The following ARHGAP18 variants were observed in gnomAD, a reference collection of about 807,000 sequenced individuals.
The protein encoded by ARHGAP18 is rho GTPase-activating protein 18.
ARHGAP18 carries 67 observed loss-of-function variants against 86.2 expected under a neutral mutation model. The observed-to-expected ratio is 0.78, with a 90% CI of 0.64 to 0.95. ARHGAP18 has a LOEUF of 0.95. ARHGAP18 is among the 40% of genes least tolerant of loss of function. The pLI, the probability that ARHGAP18 is intolerant of heterozygous loss-of-function variation, is 0.00. For missense variants in ARHGAP18, 691 were observed against 780.4 expected (o/e 0.89, Z 1.37); for synonymous variants, 283 against 280.4 (o/e 1.01, Z -0.09).
chr6:129,673,068 A>G (rs1466880202), intron 1 of ARHGAP18, among the ~76,000 whole-genome samples: 2 of 152,226 alleles, frequency 1.3e-5, no homozygotes, highest in Non-Finnish European at 2.9e-5. Flanking sequence ...GAATACACCA[A>G]TGACTCATTT....
Position 129,607,996 on chromosome 6 carries a change from A to T in ARHGAP18, c.1179T>A (p.Ser393Arg). 1 of 1,605,308 alleles carries T rather than the reference A, an allele frequency of 6.2e-7. No individual in the cohort carries two copies. Among genetic ancestry groups the T allele is most frequent in the Non-Finnish European group, 8.5e-7 (1 of 1,175,912 alleles). The change falls in exon 9 of 15, where the codon AGT (serine) becomes AGA (arginine). Residue 393 changes from serine (S) to arginine (R), a missense_variant. Physicochemically the swap from Ser to Arg is moderately radical, Grantham distance 110. Transcript: ENST00000368149. ...GGCTGGCGGCATCATGCTGTTTGAC[A>T]CTTTCCCAATTAAAAGTCCCTTCAT... ...KFYEGTFNWE[S>R]VKQHDAASLL...
rs376500003 is a variant in ARHGAP18, at chr6:129,667,469, A to ATGTGTG, written c.114-25457_114-25452dup. Among the ~76,000 whole-genome samples the ATGTGTG allele has an allele frequency of 2.5e-3, 264 of 104,234 alleles. 2 individuals carry two copies. Among genetic ancestry groups the ATGTGTG allele is most frequent in the Middle Eastern group, 5.2e-3 (1 of 194 alleles). The allele number at this position is 104,234 out of a possible 152,430, so 68.4% of individuals were successfully genotyped here. ...GGTCTATATCAAAAGAAAAATATAT[A>ATGTGTG]TGTGTGTGTGTGTGTGTGTGTGTGT... is the stretch of plus-strand genomic sequence containing the variant. On this transcript the variant is annotated intron_variant, in intron 1 of 14. Coordinates refer to ENST00000368149, the MANE Select transcript of ARHGAP18 (RefSeq NM_033515.3).
chr6:129,645,036 T>TA (rs1329311487), intron 1 of ARHGAP18, among the ~76,000 whole-genome samples: 1 of 152,128 alleles, frequency 6.6e-6, no homozygotes, highest in Admixed American at 6.5e-5. Context: ...CACTGGTAAA[T>TA]ACTGCAAGAA....
chr6:129,683,907 T>C (rs1244424235), intron 1 of ARHGAP18, among the ~76,000 whole-genome samples: 1 of 152,042 alleles, frequency 6.6e-6, no homozygotes, highest in African/African-American at 2.4e-5. Flanking sequence ...GAGAAAACAC[T>C]TGGGAGAAAA....
intron 10 of ARHGAP18, 121 bp downstream of exon 10, chr6:129,605,755 CT>C: frequency 1.2e-6 from 1 of 862,742 alleles, no homozygotes. Flanking sequence ...TAAAAGTAGG[CT>C]TTTTCTTTAT....
chr6:129,624,633 T>C (rs1483486524), intron 5 of ARHGAP18, among the ~76,000 whole-genome samples: 4 of 150,964 alleles, frequency 2.6e-5, no homozygotes, highest in African/African-American at 7.3e-5. Context: ...CCATTAGGTA[T>C]AAACACAGAT....
chr6:129,578,351 C>A lies in ARHGAP18; in HGVS notation c.*162G>T, dbSNP rs1788221484. 1 of 343,366 alleles carries A rather than the reference C, an allele frequency of 2.9e-6. No individual in the cohort carries two copies. The highest frequency in any genetic ancestry group is 5.2e-6 in the Non-Finnish European group (1 of 194,024). 21.3% of individuals were successfully genotyped at this position (343,366 alleles called of 1,614,324 possible). A position where few individuals can be genotyped will look rare whatever the true frequency, so the allele number is the denominator to read the frequency against. On this transcript the variant is annotated 3_prime_UTR_variant, in exon 15 of 15. Coordinates refer to ENST00000368149, the MANE Select transcript of ARHGAP18 (RefSeq NM_033515.3). The stretch of plus-strand genomic sequence containing the variant: ...TTAATAATAATTAATATAATTCTGG[C>A]AGCAGCACAAATCTATGACTTTTTA...
chr6:129,584,025 C>G lies in ARHGAP18; in HGVS notation c.1801G>C (p.Ala601Pro), dbSNP rs1195497690. ...MAIQLTEELK[A>P]SDVLARFLSQ... is the part of the protein sequence containing the mutation. ...AGAAACCTGGCAAGTACATCACTGGCTTTTAGTTCTTCAGTTAGCTGTATT... is the reference window on the plus strand; with the variant it reads ...AGAAACCTGGCAAGTACATCACTGGGTTTTAGTTCTTCAGTTAGCTGTATT... The change falls in exon 13 of 15, where the codon GCC becomes CCC. Residue 601 changes from alanine (A) to proline (P), a missense_variant. Physicochemically the swap from Ala to Pro is conservative, Grantham distance 27. Coordinates refer to ENST00000368149, the MANE Select transcript of ARHGAP18 (RefSeq NM_033515.3). 6.2e-7 allele frequency: 1 copy of G among 1,613,712 alleles called. No individual in the cohort carries two copies. Among genetic ancestry groups the G allele is most frequent in the Admixed American group, 1.7e-5 (1 of 59,980 alleles).
intron 12 of ARHGAP18, among the ~76,000 whole-genome samples, chr6:129,588,028 C>T (rs1304056170): frequency 1.3e-5 from 2 of 151,980 alleles, no homozygotes; most frequent in African/African-American, 2.4e-5. Context: ...AGGCATTGAG[C>T]AAATGCACCC....
intron 1 of ARHGAP18, among the ~76,000 whole-genome samples, chr6:129,669,431 C>T (rs1774103246): frequency 6.6e-6 from 1 of 151,322 alleles, no homozygotes; most frequent in Admixed American, 6.6e-5. Context: ...CTCGGCTTCC[C>T]AAAGTGCTGG....
At position 129,600,676 on chromosome 6, in the gene ARHGAP18, T is replaced by C. The variant is rs919334631; in HGVS notation, c.1538A>G (p.His513Arg). Residue 513 changes from histidine (H) to arginine (R), a missense_variant, in exon 11 of 15, where the codon CAC becomes CGC. Physicochemically the swap from His to Arg is conservative, Grantham distance 29. Coordinates refer to ENST00000368149, the MANE Select transcript of ARHGAP18 (RefSeq NM_033515.3). ...VMAAGTANTM[H>R]LLIKYQKLLW... ...AAGTTTTTGGTACTTAATCAATAAG[T>C]GCATGGTATTTGCTGTCCCAGCTGC... The C allele has an allele frequency of 1.1e-5, 18 of 1,613,600 alleles. No individual in the cohort carries two copies. The highest frequency in any genetic ancestry group is 1.5e-5 in the Non-Finnish European group (18 of 1,179,770).
chr6:129,607,881 G>A lies in ARHGAP18; in HGVS notation c.1282+12C>T. The A allele has an allele frequency of 6.3e-7, 1 of 1,585,596 alleles. No individual in the cohort carries two copies. ...CAGCAGAAGGACTGCTTCAAAGAGG[G>A]ATAGCACTTACTCTGGACAGCCTGA... On this transcript the variant is annotated intron_variant, in intron 9 of 14. Transcript: ENST00000368149.
At chr6:129,699,241 C>T (rs1484674337) in intron 1 of ARHGAP18, among the ~76,000 whole-genome samples, 1 of 152,174 alleles carries the variant, frequency 6.6e-6, no homozygotes, top group Non-Finnish European at 1.5e-5. Flanking sequence ...TAAATACTCC[C>T]AAATCAATGA....
chr6:129,646,757 G>A (rs751432877), intron 1 of ARHGAP18, among the ~76,000 whole-genome samples: 7 of 152,012 alleles, frequency 4.6e-5, no homozygotes, highest in Non-Finnish European at 7.4e-5. Context: ...AGTTCATGTC[G>A]TCTCTGGGAA....
At chr6:129,637,412 AGACCCCACAG>A (rs1773356837) in intron 3 of ARHGAP18, among the ~76,000 whole-genome samples, 2 of 152,218 alleles carry the variant, frequency 1.3e-5, no homozygotes, top group Non-Finnish European at 2.9e-5. Context: ...AGTCTCTACC[AGACCCCACAG>A]CTTTTATTAA....
chr6:129,620,886 GTA>G (rs1446970666), intron 5 of ARHGAP18, among the ~76,000 whole-genome samples: 3 of 152,138 alleles, frequency 2.0e-5, no homozygotes, highest in African/African-American at 4.8e-5. Flanking sequence ...TCTCTCGTGA[GTA>G]TAGTTTTCCA....
chr6:129,608,189 C>A (rs2114457607), intron 8 of ARHGAP18, 137 bp from the exon 9 acceptor site: 1,394 of 851,854 alleles, frequency 1.6e-3, no homozygotes, highest in East Asian at 3.4e-3. Flanking sequence ...TACCAAAAGT[C>A]AATATTTCTT....
At chr6:129,668,362 TCACACACACACACACACACA>T (rs35153109) in intron 1 of ARHGAP18, among the ~76,000 whole-genome samples, 2 of 137,758 alleles carry the variant, frequency 1.5e-5, no homozygotes, top group African/African-American at 2.7e-5. Flanking sequence ...ACCCAAATAA[TCACACACACACACACACACA>T]CACACACACA....
rs1208806735 is a variant in ARHGAP18 at position 129,576,978 on chromosome 6, A to C, written c.*1535T>G. The C allele has an allele frequency of 6.6e-6, 1 of 152,130 alleles. No individual in the cohort carries two copies. Among genetic ancestry groups the C allele is most frequent in the African/African-American group, 2.4e-5 (1 of 41,448 alleles). 9.4% of individuals were successfully genotyped at this position (152,130 alleles called of 1,614,324 possible). The stretch of plus-strand genomic sequence containing the variant: ...CTTCCTACTTTAAAAATTACAAAGA[A>C]AATAGAAAATAGAGGTGACTTTTAA... On this transcript the variant is annotated 3_prime_UTR_variant, in exon 15 of 15. Coordinates refer to ENST00000368149, the MANE Select transcript of ARHGAP18 (RefSeq NM_033515.3).
Sources: allele counts gnomAD v4.1 joint callset (sites outside exome capture counted in the v4.1 genomes callset), GRCh38; gene constraint gnomAD v4.1.1; transcripts MANE v1.5; gene names NCBI Gene and HGNC (gene_info 2026-07-23, HGNC 2026-07-21).